HEATR6: variants seen among roughly 807,000 people sequenced by gnomAD.
HEATR6 encodes the protein HEAT repeat-containing protein 6.
In HEATR6, 106 loss-of-function variants were observed where a neutral mutation model predicts 132.8. That is an observed-to-expected ratio of 0.80 (90% CI 0.68 to 0.94). The LOEUF (loss-of-function observed/expected upper bound fraction) is 0.94, where lower values mean the gene tolerates loss of function less well. Among genes scored for constraint, HEATR6 ranks in the 40% least tolerant of loss-of-function variants. HEATR6 has a pLI of 0.00. For missense variants in HEATR6, 1,339 were observed against 1,425.1 expected, an observed-to-expected ratio of 0.94 and a Z score of 0.97; for synonymous variants, 529 against 537.8, an observed-to-expected ratio of 0.98 and a Z score of 0.23.
intron 8 of HEATR6, among the ~76,000 whole-genome samples, chr17:60,066,912 T>C (rs1375890834): frequency 6.6e-6 from 1 of 152,144 alleles, no homozygotes; most frequent in Non-Finnish European, 1.5e-5. Context: ...GAGTAGTGGT[T>C]AGCAAGACGA....
In HEATR6 at chr17:60,043,505, G is replaced by A. The variant is rs977142063; in HGVS notation, c.*58C>T. The A allele has an allele frequency of 3.0e-6, 4 of 1,324,630 alleles. No individual in the cohort carries two copies. In the African/African-American group the frequency reaches 5.9e-5, roughly 19 times the overall value. The allele number at this position is 1,324,630 out of a possible 1,614,324, so 82.1% of individuals were successfully genotyped here. A position where few individuals can be genotyped will look rare whatever the true frequency, so the allele number is the denominator to read the frequency against. On this transcript the variant is annotated 3_prime_UTR_variant, in exon 20 of 20. Coordinates refer to ENST00000184956, the MANE Select transcript of HEATR6 (RefSeq NM_022070.5). ...TAAGATGAAATCCCACAGATCTTATGCTCAAGCTCAGGTCTTCCTACTGCC... is the reference window on the plus strand; with the variant it reads ...TAAGATGAAATCCCACAGATCTTATACTCAAGCTCAGGTCTTCCTACTGCC...
Position 60,073,896 on chromosome 17 carries a change from C to T in HEATR6, c.328-10G>A. 2 of 1,611,946 alleles carry T rather than the reference C, an allele frequency of 1.2e-6. No homozygotes were observed. Among genetic ancestry groups the T allele is most frequent in the Non-Finnish European group, 1.7e-6 (2 of 1,179,164 alleles). On this transcript the variant is annotated splice_polypyrimidine_tract_variant and intron_variant, in intron 2 of 19. Coordinates refer to ENST00000184956, the MANE Select transcript of HEATR6 (RefSeq NM_022070.5). ...GTTCATCAACAATTACCTAACAGGA[C>T]AGGAAAAGATATATTCTGATCTAAC...
At chr17:60,047,116 C>T (rs1906392651) in intron 18 of HEATR6, among the ~76,000 whole-genome samples, 193 bp downstream of exon 18, 1 of 151,816 alleles carries the variant, frequency 6.6e-6, no homozygotes, top group African/African-American at 2.4e-5. Flanking sequence ...TTTCAGGAGG[C>T]AGGAGACAGT....
chr17:60,059,218 T>A (rs1368701617), intron 11 of HEATR6, among the ~76,000 whole-genome samples: 1 of 152,186 alleles, frequency 6.6e-6, no homozygotes, highest in Non-Finnish European at 1.5e-5. Context: ...TTACAATTAA[T>A]CCTCTAGCTC....
chr17:60,043,487 A>C lies in HEATR6; in HGVS notation c.*76T>G. The C allele has an allele frequency of 8.3e-7, 1 of 1,197,940 alleles. No individual in the cohort carries two copies. The highest frequency in any genetic ancestry group is 1.2e-6 in the Non-Finnish European group (1 of 839,320). The allele number at this position is 1,197,940 out of a possible 1,614,324, so 74.2% of individuals were successfully genotyped here. A position where few individuals can be genotyped will look rare whatever the true frequency, so the allele number is the denominator to read the frequency against. On this transcript the variant is annotated 3_prime_UTR_variant, in exon 20 of 20. Coordinates refer to ENST00000184956, the MANE Select transcript of HEATR6 (RefSeq NM_022070.5). ...ACGGATTGTTTCTGCCCCTAAGATG[A>C]AATCCCACAGATCTTATGCTCAAGC...
At chr17:60,055,713 T>A (rs1906721324) in intron 13 of HEATR6, 112 bp from the exon 14 acceptor site, 1 of 635,630 alleles carries the variant, frequency 1.6e-6, no homozygotes, top group African/African-American at 1.8e-5. Context: ...TCCACTCGAG[T>A]AACACCTTCA....
At chr17:60,067,301 C>T in intron 8 of HEATR6, 133 bp downstream of exon 8, 1 of 432,564 alleles carries the variant, frequency 2.3e-6, no homozygotes, top group African/African-American at 2.1e-5. Flanking sequence ...GAGAACAAGT[C>T]ATGTTCTGAA....
chr17:60,042,846 C>T lies in HEATR6; in HGVS notation c.*717G>A, dbSNP rs1341005539. 1.0e-4 allele frequency among the ~76,000 whole-genome samples: 6 copies of T among 59,818 alleles called. No individual in the cohort carries two copies. Among genetic ancestry groups the T allele is most frequent in the African/African-American group, 5.9e-4 (6 of 10,100 alleles). 39.2% of individuals were successfully genotyped at this position (59,818 alleles called of 152,430 possible). On this transcript the variant is annotated 3_prime_UTR_variant, in exon 20 of 20. Transcript: ENST00000184956. ...CACCGTCAGCATCCTCGGTCCTGTGCGGCTGTGAGGCACCGTCAGCATCCT... is the reference window on the plus strand; with the variant it reads ...CACCGTCAGCATCCTCGGTCCTGTGTGGCTGTGAGGCACCGTCAGCATCCT...
In HEATR6 at chr17:60,049,599, A is replaced by T; in HGVS notation, c.2528T>A (p.Leu843His). The T allele has an allele frequency of 6.2e-7, 1 of 1,613,744 alleles. No individual in the cohort carries two copies. Among genetic ancestry groups the T allele is most frequent in the Non-Finnish European group, 8.5e-7 (1 of 1,179,716 alleles). Residue 843 changes from leucine (L) to histidine (H), a missense_variant, in exon 16 of 20, where the codon CTT (leucine) becomes CAT (histidine). Leu to His is a moderately conservative substitution (Grantham distance 99). Transcript: ENST00000184956. ...TCTGACCTGTCTGAGACAGGGAAAAAGCACATAGACTCCCAGGGCCCGTGA... is the reference window on the plus strand; with the variant it reads ...TCTGACCTGTCTGAGACAGGGAAAATGCACATAGACTCCCAGGGCCCGTGA... Reference protein sequence around the residue: ...ATSRALGVYVLFPCLRQDVIF... With the variant: ...ATSRALGVYVHFPCLRQDVIF...
chr17:60,041,059 C>T lies in HEATR6; in HGVS notation c.*2504G>A, dbSNP rs920506925. 6.6e-6 allele frequency among the ~76,000 whole-genome samples: 1 copy of T among 152,190 alleles called. No homozygotes were observed. Among genetic ancestry groups the T allele is most frequent in the Non-Finnish European group, 1.5e-5 (1 of 68,040 alleles). On this transcript the variant is annotated 3_prime_UTR_variant, in exon 20 of 20. Transcript: ENST00000184956. ...AGTTGTCTTTATTGTCAGTGGCTTC[C>T]TTTCCCCACAGCAGCTTTATGGAGG...
rs760525897 is a variant in HEATR6, at chr17:60,055,571, G to GT, written c.2232dup (p.Gln745ThrfsTer4). 2 of 1,612,640 alleles carry GT rather than the reference G, an allele frequency of 1.2e-6. No homozygotes were observed. Among genetic ancestry groups the GT allele is most frequent in the African/African-American group, 2.7e-5 (2 of 74,902 alleles). On this transcript the variant is annotated frameshift_variant, in exon 14 of 20. Coordinates refer to ENST00000184956, the MANE Select transcript of HEATR6 (RefSeq NM_022070.5). Reference sequence around the variant, plus strand: ...GCAGTGGAGTCTGGTTTATACTGCTGTATTAAGCCTGTGCCCAGTTCTTCC... The same window carrying GT: ...GCAGTGGAGTCTGGTTTATACTGCTGTTATTAAGCCTGTGCCCAGTTCTTCC...
chr17:60,043,226 T>A lies in HEATR6; in HGVS notation c.*337A>T, dbSNP rs142900671. ...CGTTAGTTTATTACAAAACTACAGA[T>A]ACAATACACAAAATTCTAATTCCGA... is the stretch of plus-strand genomic sequence containing the variant. On this transcript the variant is annotated 3_prime_UTR_variant, in exon 20 of 20. Transcript: ENST00000184956. 2.7e-4 allele frequency: 77 copies of A among 284,522 alleles called. 1 individual carries two copies. In the East Asian group the frequency reaches 6.8e-3, roughly 25 times the overall value. The allele number at this position is 284,522 out of a possible 1,614,324, so 17.6% of individuals were successfully genotyped here. A position where few individuals can be genotyped will look rare whatever the true frequency, so the allele number is the denominator to read the frequency against.
intron 15 of HEATR6, among the ~76,000 whole-genome samples, chr17:60,050,606 C>T (rs1906544490): frequency 6.6e-6 from 1 of 152,186 alleles, no homozygotes; most frequent in South Asian, 2.1e-4. Context: ...CAAGCTTCTT[C>T]TACCCTTGCC....
intron 1 of HEATR6, 46 bp downstream of exon 1, chr17:60,078,650 C>T (rs1407989092): frequency 1.0e-5 from 15 of 1,470,234 alleles, no homozygotes; most frequent in Admixed American, 2.1e-5. Flanking sequence ...GCTGGGTTCC[C>T]GGAGGGGTGG....
At chr17:60,070,900 C>A in intron 5 of HEATR6, 93 bp from the exon 6 acceptor site, 2 of 733,542 alleles carry the variant, frequency 2.7e-6, no homozygotes, top group Non-Finnish European at 2.5e-6. Context: ...GGAAGAGAGA[C>A]AGTCTCTAGA....
In HEATR6 at chr17:60,048,129, A is replaced by C. The variant is rs574284912; in HGVS notation, c.2672+135T>G. The C allele has an allele frequency of 3.7e-5, 30 of 804,166 alleles. No individual in the cohort carries two copies. The South Asian group carries it at 7.0e-4, about 19-fold the overall frequency. 49.8% of individuals were successfully genotyped at this position (804,166 alleles called of 1,614,324 possible). On this transcript the variant is annotated intron_variant, in intron 17 of 19. Transcript: ENST00000184956. ...TAATTTTATTTTCTGAAGGAATATC[A>C]AACAAAAAAAGCAGGAAGACTGACT... is the stretch of plus-strand genomic sequence containing the variant.
intron 7 of HEATR6, among the ~76,000 whole-genome samples, chr17:60,068,229 G>A (rs770785096): frequency 4.6e-5 from 7 of 152,062 alleles, no homozygotes; most frequent in African/African-American, 1.4e-4. Flanking sequence ...CAGAAGAGAC[G>A]GTAGTCTATT....
chr17:60,045,151 G>T (rs1324776648), intron 19 of HEATR6, among the ~76,000 whole-genome samples: 2 of 152,164 alleles, frequency 1.3e-5, no homozygotes, highest in Non-Finnish European at 2.9e-5. Flanking sequence ...CTCTCCAGAA[G>T]GCGGATAACC....
chr17:60,078,886 C>A lies in HEATR6; in HGVS notation c.29G>T (p.Trp10Leu), dbSNP rs2145206321. The A allele has an allele frequency of 1.3e-6, 2 of 1,583,616 alleles. No homozygotes were observed. The highest frequency in any genetic ancestry group is 1.7e-6 in the Non-Finnish European group (2 of 1,171,180). Residue 10 changes from tryptophan to leucine, a missense_variant, in exon 1 of 20, where the codon TGG becomes TTG. Coordinates refer to ENST00000184956, the MANE Select transcript of HEATR6 (RefSeq NM_022070.5). ...TGCCTCCCGCGGCTGCACGGAAGGC[C>A]ACGAACCGACAACTTGCACAGCAGC... MAAVQVVGS[W>L]PSVQPREAPR...
Sources: gnomAD v4.1 joint callset for allele counts (sites outside exome capture counted in the v4.1 genomes callset) on GRCh38, gnomAD v4.1.1 for gene constraint, MANE v1.5 for transcripts, NCBI Gene and HGNC (gene_info 2026-07-23, HGNC 2026-07-21) for gene names.